The following SEMA3A variants were observed in gnomAD, a reference collection of about 807,000 sequenced individuals.
SEMA3A encodes the protein semaphorin 3A.
Under a neutral mutation model 97.9 loss-of-function variants are expected in SEMA3A, and 29 were observed. That is an observed-to-expected ratio of 0.30 (90% CI 0.22 to 0.40). The LOEUF (loss-of-function observed/expected upper bound fraction) is 0.40, where lower values mean the gene tolerates loss of function less well. Among genes scored for constraint, SEMA3A ranks in the 10% least tolerant of loss-of-function variants. SEMA3A has a pLI of 1.00. For synonymous variants in SEMA3A, 321 were observed against 323.7 expected (o/e 0.99, Z 0.09); for missense variants, 763 against 951.3 (o/e 0.80, Z 2.60).
At chr7:84,369,196 T>G (rs753049376) in intron 2 of SEMA3A, among the ~76,000 whole-genome samples, 42 of 151,088 alleles carry the variant, frequency 2.8e-4, no homozygotes, top group Admixed American at 6.6e-4. Flanking sequence ...TTTATGAATT[T>G]GGGATGTCTG....
chr7:84,412,571 A>C lies in SEMA3A; in HGVS notation c.-245-40671T>G, dbSNP rs1804298687. ...AGAAATGGTTCAAAGTAATAGGCAA[A>C]TAAAACAAGAGCTAGATCATTTACA... On this transcript the variant is annotated intron_variant, in intron 1 of 3. Transcript: ENST00000424555. 1.3e-5 allele frequency among the ~76,000 whole-genome samples: 2 copies of C among 152,186 alleles called. 1 individual carries two copies. The highest frequency in any genetic ancestry group is 4.1e-4 in the South Asian group (2 of 4,832).
chr7:84,136,745 G>T (rs1227839343), intron 1 of SEMA3A, among the ~76,000 whole-genome samples: 1 of 151,714 alleles, frequency 6.6e-6, no homozygotes, highest in Non-Finnish European at 1.5e-5. Context: ...ATATTACCTG[G>T]TCAACAATGT....
At chr7:84,012,081 G>A (rs1790905239) in intron 7 of SEMA3A, among the ~76,000 whole-genome samples, 1 of 152,054 alleles carries the variant, frequency 6.6e-6, no homozygotes, top group Admixed American at 6.6e-5. Context: ...CAGGGCCTTT[G>A]GGGGAGGGAT....
intron 1 of SEMA3A, among the ~76,000 whole-genome samples, chr7:84,471,634 C>T (rs984070653): frequency 6.6e-6 from 1 of 151,978 alleles, no homozygotes; most frequent in African/African-American, 2.4e-5. Context: ...AGCAACCTAT[C>T]CCAATGGCTT....
intron 2 of SEMA3A, among the ~76,000 whole-genome samples, chr7:84,341,526 A>G (rs911741244): frequency 2.6e-5 from 4 of 151,974 alleles, no homozygotes; most frequent in African/African-American, 9.7e-5. Flanking sequence ...GAAACCTAGG[A>G]GGCGTTATTT....
At chr7:84,286,056 A>G (rs1228926173) in intron 3 of SEMA3A, among the ~76,000 whole-genome samples, 3 of 152,152 alleles carry the variant, frequency 2.0e-5, no homozygotes, top group Non-Finnish European at 2.9e-5. Context: ...CTCAAATTCA[A>G]TGTATAAACT....
chr7:84,415,789 G>A (rs547150312), intron 1 of SEMA3A, among the ~76,000 whole-genome samples: 3 of 152,058 alleles, frequency 2.0e-5, no homozygotes, highest in Non-Finnish European at 4.4e-5. Flanking sequence ...TCCAGTCATA[G>A]AAAAACCATA....
At chr7:84,472,179 GA>G (rs1179539578) in intron 1 of SEMA3A, among the ~76,000 whole-genome samples, 1 of 152,158 alleles carries the variant, frequency 6.6e-6, no homozygotes, top group South Asian at 2.1e-4. Flanking sequence ...AAGTAAAAGA[GA>G]AAAATGATAA....
rs571795589 is a variant in SEMA3A at position 84,002,919 on chromosome 7, A to G, written c.1361-873T>C. 3.3e-5 allele frequency among the ~76,000 whole-genome samples: 5 copies of G among 152,282 alleles called. No individual in the cohort carries two copies. The South Asian group carries it at 1.0e-3, about 32-fold the overall frequency. ...TGGGCTTAAAAGTTATTAATTTTCC[A>G]GTATTACAGATATGTTCCTATTCCT... On this transcript the variant is annotated intron_variant, in intron 11 of 16. Coordinates refer to ENST00000265362, the MANE Select transcript of SEMA3A (RefSeq NM_006080.3).
intron 3 of SEMA3A, among the ~76,000 whole-genome samples, chr7:84,121,536 T>C (rs563099648): frequency 6.6e-6 from 1 of 150,560 alleles, no homozygotes; most frequent in Non-Finnish European, 1.5e-5. Flanking sequence ...ACAAAGGACA[T>C]GAACTCATCC....
intron 2 of SEMA3A, among the ~76,000 whole-genome samples, chr7:84,317,022 C>A (rs1023877206): frequency 6.6e-6 from 1 of 151,970 alleles, no homozygotes; most frequent in African/African-American, 2.4e-5. Flanking sequence ...TGGTACCCAT[C>A]ATCATAATAG....
At chr7:84,306,698 T>C (rs1269166333) in intron 3 of SEMA3A, 1 of 152,152 alleles carries the variant, frequency 6.6e-6, no homozygotes, top group Non-Finnish European at 1.5e-5. Flanking sequence ...AGGTGATATT[T>C]CAATCTCACA....
chr7:84,188,934 C>G, intron 1 of SEMA3A, among the ~76,000 whole-genome samples: 1 of 151,730 alleles, frequency 6.6e-6, no homozygotes, highest in Non-Finnish European at 1.5e-5. Flanking sequence ...CCAATTTTTC[C>G]AAACTTGGTC....
chr7:84,157,971 C>A (rs1021784497), intron 1 of SEMA3A, among the ~76,000 whole-genome samples: 1 of 152,036 alleles, frequency 6.6e-6, no homozygotes, highest in Non-Finnish European at 1.5e-5. Context: ...CAAGTCCCTG[C>A]CATAATAGAG....
At chr7:84,303,146 C>A (rs1333326298) in intron 3 of SEMA3A, among the ~76,000 whole-genome samples, 4 of 152,096 alleles carry the variant, frequency 2.6e-5, no homozygotes, top group Non-Finnish European at 5.9e-5. Flanking sequence ...TCACTGGGTG[C>A]AGAGGAGGTT....
chr7:84,199,417 T>G (rs1392766201), upstream of SEMA3A, among the ~76,000 whole-genome samples: 2 of 139,780 alleles, frequency 1.4e-5, no homozygotes, highest in Admixed American at 7.1e-5. Flanking sequence ...TGGGAATTTT[T>G]AAATGAGTTA....
chr7:84,122,532 T>C (rs1795656162), intron 3 of SEMA3A, among the ~76,000 whole-genome samples: 2 of 152,118 alleles, frequency 1.3e-5, no homozygotes, highest in Non-Finnish European at 2.9e-5. Context: ...TACATGAGGA[T>C]TTTGAAATGT....
intron 2 of SEMA3A, among the ~76,000 whole-genome samples, chr7:84,313,200 C>G (rs901174933): frequency 3.4e-5 from 5 of 145,248 alleles, no homozygotes; most frequent in Admixed American, 7.0e-5. Flanking sequence ...ATTGATATTG[C>G]TAGAAAAGTT....
intron 3 of SEMA3A, among the ~76,000 whole-genome samples, chr7:84,281,575 A>C (rs1301846145): frequency 6.6e-6 from 1 of 152,190 alleles, no homozygotes; most frequent in Non-Finnish European, 1.5e-5. Flanking sequence ...GGTTTCTTTT[A>C]TTAAAACTGT....
Sources: allele counts gnomAD v4.1 joint callset (sites outside exome capture counted in the v4.1 genomes callset), GRCh38; gene constraint gnomAD v4.1.1; transcripts MANE v1.5; gene names NCBI Gene and HGNC (gene_info 2026-07-23, HGNC 2026-07-21).